The following SLC44A1 variants were observed in gnomAD, a reference collection of about 807,000 sequenced individuals.
SLC44A1 encodes the protein solute carrier family 44 member 1.
Under a neutral mutation model 79.3 loss-of-function variants are expected in SLC44A1, and 26 were observed. The ratio of observed to expected loss-of-function variants is 0.33; its 90% CI spans 0.24 to 0.46. The LOEUF (loss-of-function observed/expected upper bound fraction) is 0.46, where lower values mean the gene tolerates loss of function less well. Ranked by LOEUF, SLC44A1 falls within the 20% of genes least tolerant of loss-of-function variation. The pLI is 1.00. For missense variants in SLC44A1, 688 were observed against 798.1 expected (o/e 0.86, Z 1.66); for synonymous variants, 263 against 286.2 (o/e 0.92, Z 0.82).
At chr9:105,387,673 T>G (rs769751778) in intron 15 of SLC44A1, among the ~76,000 whole-genome samples, 1 of 152,184 alleles carries the variant, frequency 6.6e-6, no homozygotes, top group Non-Finnish European at 1.5e-5. Flanking sequence ...TTTCATTACA[T>G]CATTCAGTAA....
intron 1 of SLC44A1, among the ~76,000 whole-genome samples, chr9:105,277,635 C>T (rs1430224578): frequency 6.6e-6 from 1 of 152,150 alleles, no homozygotes; most frequent in Non-Finnish European, 1.5e-5. Flanking sequence ...CAATAAACAA[C>T]CCATGTTTGC....
intron 1 of SLC44A1, among the ~76,000 whole-genome samples, chr9:105,268,533 C>T (rs576946062): frequency 1.3e-5 from 2 of 151,702 alleles, no homozygotes; most frequent in Non-Finnish European, 2.9e-5. Context: ...GACGGAGTTT[C>T]GCTCTTGTTG....
At chr9:105,401,231 C>T (rs983387061), downstream of SLC44A1, among the ~76,000 whole-genome samples, 4 of 152,116 alleles carry the variant, frequency 2.6e-5, no homozygotes. Context: ...TTTAGCTTTT[C>T]CTTTGCTTAT....
chr9:105,426,741 A>G (rs1268278349), intron 15 of SLC44A1, among the ~76,000 whole-genome samples: 2 of 152,040 alleles, frequency 1.3e-5, no homozygotes, highest in Non-Finnish European at 2.9e-5. Flanking sequence ...TAAATAAGCA[A>G]ATAAATGAGT....
intron 3 of SLC44A1, among the ~76,000 whole-genome samples, chr9:105,324,661 C>T (rs1198792943): frequency 1.3e-5 from 2 of 152,138 alleles, no homozygotes; most frequent in African/African-American, 4.8e-5. Context: ...CTCTGTCTTA[C>T]TCAGAGATCT....
At position 105,397,225 on chromosome 9, in the gene SLC44A1, G is replaced by A. The variant is rs1466024313; in HGVS notation, c.*8169G>A. On this transcript the variant is annotated 3_prime_UTR_variant, in exon 16 of 16. Coordinates refer to ENST00000374720, the MANE Select transcript of SLC44A1 (RefSeq NM_080546.5). ...AATACGAACTAGAAAGAAAAGTGCT[G>A]ATCTAATGCTAAGTTTTCTCTGTGT... The A allele has an allele frequency of 3.0e-6, 3 of 985,238 alleles. No individual in the cohort carries two copies. Among genetic ancestry groups the A allele is most frequent in the Non-Finnish European group, 2.4e-6 (2 of 829,896 alleles). 61.0% of individuals were successfully genotyped at this position (985,238 alleles called of 1,614,324 possible). A position where few individuals can be genotyped will look rare whatever the true frequency, so the allele number is the denominator to read the frequency against.
chr9:105,403,993 AT>A lies in SLC44A1; in HGVS notation c.1950+18493del, dbSNP rs539569037. 2.1e-4 allele frequency among the ~76,000 whole-genome samples: 32 copies of A among 152,082 alleles called. 1 individual carries two copies. The South Asian group carries it at 6.2e-3, about 30-fold the overall frequency. ...GAGATATTTGCCTTTCAGGGGAAAAATTACCCTGACAACAGTGGGGAGTATG... is the reference window on the plus strand; with the variant it reads ...GAGATATTTGCCTTTCAGGGGAAAAATACCCTGACAACAGTGGGGAGTATG... On this transcript the variant is annotated intron_variant, in intron 15 of 15. Coordinates refer to the SLC44A1 transcript ENST00000374724.
intron 4 of SLC44A1, among the ~76,000 whole-genome samples, chr9:105,341,294 C>T (rs1162456662): frequency 6.9e-6 from 1 of 145,642 alleles, no homozygotes; most frequent in Non-Finnish European, 1.5e-5. Context: ...GAGATCGTGC[C>T]ACTGCACTCC....
rs1035398334 is a variant in SLC44A1 at position 105,365,766 on chromosome 9, T to C, written c.1410+127T>C. The C allele has an allele frequency of 1.2e-5, 11 of 943,720 alleles. No individual in the cohort carries two copies. The African/African-American group carries it at 1.6e-4, about 14-fold the overall frequency. 58.5% of individuals were successfully genotyped at this position (943,720 alleles called of 1,614,324 possible). A position where few individuals can be genotyped will look rare whatever the true frequency, so the allele number is the denominator to read the frequency against. ...TCTTCAAAGTCTTTACAAGGCAAAA[T>C]CCAGCCCTTCTCCCTTGTCTCCCAC... On this transcript the variant is annotated intron_variant, in intron 11 of 15. Coordinates refer to ENST00000374720, the MANE Select transcript of SLC44A1 (RefSeq NM_080546.5).
intron 14 of SLC44A1, among the ~76,000 whole-genome samples, chr9:105,384,511 A>G (rs1429583475): frequency 1.3e-5 from 2 of 152,074 alleles, no homozygotes; most frequent in Non-Finnish European, 2.9e-5. Context: ...AATAGCAAGA[A>G]TTCCAAATGA....
intron 1 of SLC44A1, among the ~76,000 whole-genome samples, chr9:105,286,232 A>G (rs1011121612): frequency 5.3e-5 from 8 of 152,282 alleles, no homozygotes; most frequent in Admixed American, 4.6e-4. Context: ...GTGTCTACAC[A>G]GGATATGCTA....
At chr9:105,353,753 T>G (rs1474715164) in intron 5 of SLC44A1, among the ~76,000 whole-genome samples, 5 of 152,182 alleles carry the variant, frequency 3.3e-5, no homozygotes, top group Non-Finnish European at 7.3e-5. Flanking sequence ...TGTTCAAGGT[T>G]GGAGGCAAGT....
At chr9:105,306,510 G>A (rs756628896) in intron 2 of SLC44A1, among the ~76,000 whole-genome samples, 20 of 151,952 alleles carry the variant, frequency 1.3e-4, no homozygotes, top group Admixed American at 2.0e-4. Flanking sequence ...TAGGATGATA[G>A]TCATGGTTTT....
chr9:105,274,220 C>G (rs560547038), intron 1 of SLC44A1, among the ~76,000 whole-genome samples: 1 of 152,304 alleles, frequency 6.6e-6, no homozygotes, highest in African/African-American at 2.4e-5. Context: ...TATGAAGCTA[C>G]TCCTTTTCCG....
chr9:105,320,719 A>G lies in SLC44A1; in HGVS notation c.269+10853A>G, dbSNP rs141016792. ...CTGAGGCTCCCATATAGCTGGGACT[A>G]TAGGTACAGTCCCATGCATGTCACC... On this transcript the variant is annotated intron_variant, in intron 3 of 15. Coordinates refer to ENST00000374720, the MANE Select transcript of SLC44A1 (RefSeq NM_080546.5). 1.8e-3 allele frequency among the ~76,000 whole-genome samples: 275 copies of G among 152,246 alleles called. 1 individual carries two copies. Among genetic ancestry groups the G allele is most frequent in the Middle Eastern group, 3.4e-3 (1 of 294 alleles).
chr9:105,395,757 A>G lies in SLC44A1; in HGVS notation c.*6701A>G. ...TCGTTTCAGGAGCATGTGTTAAATCATATGAGTAAAAAAAAAGTAGACATT... is the reference window on the plus strand; with the variant it reads ...TCGTTTCAGGAGCATGTGTTAAATCGTATGAGTAAAAAAAAAGTAGACATT... On this transcript the variant is annotated 3_prime_UTR_variant, in exon 16 of 16. Transcript: ENST00000374720. 1.0e-6 allele frequency: 1 copy of G among 985,240 alleles called. No individual in the cohort carries two copies. The highest frequency in any genetic ancestry group is 1.2e-6 in the Non-Finnish European group (1 of 829,754). The allele number at this position is 985,240 out of a possible 1,614,324, so 61.0% of individuals were successfully genotyped here.
chr9:105,306,597 G>A lies in SLC44A1; in HGVS notation c.127-3127G>A, dbSNP rs1245351373. 5.3e-5 allele frequency among the ~76,000 whole-genome samples: 7 copies of A among 132,506 alleles called. No homozygotes were observed. In the East Asian group the frequency reaches 8.9e-4, roughly 17 times the overall value. 86.9% of individuals were successfully genotyped at this position (132,506 alleles called of 152,430 possible). ...GCTTCCCACCCTCTCTAATGCTTCT[G>A]GAAGCTACTAAGAAGTTTAAGTGGC... On this transcript the variant is annotated intron_variant, in intron 2 of 15. Coordinates refer to ENST00000374720, the MANE Select transcript of SLC44A1 (RefSeq NM_080546.5).
At chr9:105,248,368 G>A (rs1397567986) in intron 1 of SLC44A1, among the ~76,000 whole-genome samples, 1 of 151,846 alleles carries the variant, frequency 6.6e-6, no homozygotes, top group East Asian at 1.9e-4. Context: ...GCAGTGTCTG[G>A]GTATCATGAT....
At position 105,353,244 on chromosome 9, in the gene SLC44A1, A is replaced by G. The variant is rs1391365344; in HGVS notation, c.501-2968A>G. On this transcript the variant is annotated intron_variant, in intron 5 of 15. Coordinates refer to ENST00000374720, the MANE Select transcript of SLC44A1 (RefSeq NM_080546.5). ...GTTGTTATTTTGCTCCAGTTCTTTG[A>G]AGAATACTTATGAAAGTACTCTTTC... is the stretch of plus-strand genomic sequence containing the variant. Among the ~76,000 whole-genome samples the G allele has an allele frequency of 4.6e-5, 7 of 152,180 alleles. No homozygotes were observed. In the East Asian group the frequency reaches 9.6e-4, roughly 21 times the overall value.
Sources: allele counts gnomAD v4.1 joint callset (sites outside exome capture counted in the v4.1 genomes callset), GRCh38; gene constraint gnomAD v4.1.1; transcripts MANE v1.5; gene names NCBI Gene and HGNC (gene_info 2026-07-23, HGNC 2026-07-21).